The following SLC49A4 variants were observed in gnomAD, a reference collection of about 807,000 sequenced individuals.
SLC49A4 encodes solute carrier family 49 member 4.
Under a neutral mutation model 50.6 loss-of-function variants are expected in SLC49A4, and 36 were observed. The observed-to-expected ratio is 0.71, with a 90% CI of 0.55 to 0.94. SLC49A4 has a LOEUF of 0.94. Ranked by LOEUF, SLC49A4 falls within the 40% of genes least tolerant of loss-of-function variation. SLC49A4 has a pLI of 0.00. For synonymous variants in SLC49A4, 248 were observed against 241.2 expected (o/e 1.03, Z -0.26); for missense variants, 503 against 605.7 (o/e 0.83, Z 1.78).
At chr3:122,849,880 G>A (rs1464990750) in intron 5 of SLC49A4, among the ~76,000 whole-genome samples, 1 of 151,816 alleles carries the variant, frequency 6.6e-6, no homozygotes, top group Non-Finnish European at 1.5e-5. Context: ...TTTTGAGGCT[G>A]TACTCAAAAA....
At chr3:122,824,555 T>C (rs1273725012) in intron 2 of SLC49A4, among the ~76,000 whole-genome samples, 4 of 151,948 alleles carry the variant, frequency 2.6e-5, no homozygotes, top group Non-Finnish European at 5.9e-5. Context: ...ACTTTGCTTC[T>C]CTTCTCTTCT....
intron 2 of SLC49A4, among the ~76,000 whole-genome samples, chr3:122,822,083 A>G (rs1298739942): frequency 6.6e-6 from 1 of 152,180 alleles, no homozygotes; most frequent in Non-Finnish European, 1.5e-5. Flanking sequence ...GACTGCTGCC[A>G]TGATCCTGAC....
At chr3:122,878,939 A>T (rs1003264091) in intron 8 of SLC49A4, among the ~76,000 whole-genome samples, 3 of 152,228 alleles carry the variant, frequency 2.0e-5, no homozygotes, top group African/African-American at 7.2e-5. Flanking sequence ...TACTTAAAAA[A>T]TAATTATCAA....
At chr3:122,868,459 T>A (rs965593238) in intron 7 of SLC49A4, among the ~76,000 whole-genome samples, 1 of 152,210 alleles carries the variant, frequency 6.6e-6, no homozygotes, top group African/African-American at 2.4e-5. Context: ...TACTTAATGA[T>A]CATGTAGTTT....
At chr3:122,852,347 A>T (rs1281509088) in intron 5 of SLC49A4, among the ~76,000 whole-genome samples, 1 of 151,660 alleles carries the variant, frequency 6.6e-6, no homozygotes, top group African/African-American at 2.4e-5. Flanking sequence ...TTGATATCTT[A>T]TTTTTTTCTC....
intron 2 of SLC49A4, among the ~76,000 whole-genome samples, chr3:122,808,754 C>T (rs1936258698): frequency 3.3e-5 from 5 of 152,268 alleles, no homozygotes; most frequent in East Asian, 1.9e-4. Flanking sequence ...GAAACAAGTG[C>T]AATAAACCAG....
intron 2 of SLC49A4, among the ~76,000 whole-genome samples, chr3:122,820,128 T>C (rs1936430694): frequency 1.3e-5 from 2 of 152,334 alleles, no homozygotes; most frequent in South Asian, 4.1e-4. Flanking sequence ...AAATATTCTG[T>C]ACTGTGTGCC....
intron 7 of SLC49A4, among the ~76,000 whole-genome samples, chr3:122,866,621 A>G (rs1937124537): frequency 6.6e-6 from 1 of 152,174 alleles, no homozygotes; most frequent in Admixed American, 6.5e-5. Context: ...GCAGAGAACA[A>G]GTCAACTCCC....
At chr3:122,820,983 G>A (rs562646515) in intron 2 of SLC49A4, among the ~76,000 whole-genome samples, 70 of 152,350 alleles carry the variant, frequency 4.6e-4, no homozygotes, top group Admixed American at 8.5e-4. Flanking sequence ...GACCTGGTGG[G>A]AGGTAATTGA....
chr3:122,836,377 T>C (rs995852254), intron 4 of SLC49A4, among the ~76,000 whole-genome samples: 3 of 152,112 alleles, frequency 2.0e-5, no homozygotes. Context: ...CTTTTTGATG[T>C]GCTGCTGGAT....
At chr3:122,831,981 A>G (rs1420260837) in intron 3 of SLC49A4, among the ~76,000 whole-genome samples, 2 of 151,998 alleles carry the variant, frequency 1.3e-5, no homozygotes, top group Non-Finnish European at 2.9e-5. Flanking sequence ...AAAAAAAGAA[A>G]GAAAAAAAAG....
intron 7 of SLC49A4, among the ~76,000 whole-genome samples, chr3:122,864,981 G>A (rs181500409): frequency 1.2e-3 from 178 of 152,280 alleles, no homozygotes; most frequent in Middle Eastern, 0.01. Flanking sequence ...GCACTCCAAC[G>A]TGGATGACAG....
intron 5 of SLC49A4, among the ~76,000 whole-genome samples, chr3:122,852,565 A>T (rs1430613322): frequency 2.0e-5 from 3 of 152,178 alleles, no homozygotes; most frequent in African/African-American, 7.2e-5. Flanking sequence ...GAGAGAATTT[A>T]TATTTTTTCT....
intron 4 of SLC49A4, among the ~76,000 whole-genome samples, chr3:122,833,916 A>G (rs2107568408): frequency 6.6e-6 from 1 of 152,320 alleles, no homozygotes; most frequent in African/African-American, 2.4e-5. Context: ...ATCACCTGAA[A>G]TCATTTTCTG....
At chr3:122,798,335 A>G (rs1408342972) in intron 1 of SLC49A4, among the ~76,000 whole-genome samples, 1 of 152,116 alleles carries the variant, frequency 6.6e-6, no homozygotes, top group African/African-American at 2.4e-5. Flanking sequence ...TCTTATTATA[A>G]TTGTACCTAC....
chr3:122,846,403 G>T (rs1163786051), intron 5 of SLC49A4, among the ~76,000 whole-genome samples: 3 of 151,680 alleles, frequency 2.0e-5, no homozygotes, highest in Non-Finnish European at 4.4e-5. Context: ...ATATTCTATT[G>T]TATGAGTAAA....
intron 4 of SLC49A4, among the ~76,000 whole-genome samples, chr3:122,836,587 A>C (rs938709438): frequency 1.3e-5 from 2 of 152,086 alleles, no homozygotes; most frequent in African/African-American, 4.8e-5. Context: ...CTCCTCTTTG[A>C]ACCTCTGGTA....
chr3:122,875,745 C>T (rs1362786534), intron 8 of SLC49A4, among the ~76,000 whole-genome samples: 1 of 152,116 alleles, frequency 6.6e-6, no homozygotes. Flanking sequence ...GTTTTTCCCC[C>T]TACAGTGTGC....
chr3:122,802,412 A>G (rs1302333963), intron 1 of SLC49A4, among the ~76,000 whole-genome samples: 1 of 152,152 alleles, frequency 6.6e-6, no homozygotes, highest in Non-Finnish European at 1.5e-5. Flanking sequence ...CAGAGGAGGA[A>G]ACTTTACAGA....
Sources: gnomAD v4.1 joint callset for allele counts (sites outside exome capture counted in the v4.1 genomes callset) on GRCh38, gnomAD v4.1.1 for gene constraint, MANE v1.5 for transcripts, NCBI Gene and HGNC (gene_info 2026-07-23, HGNC 2026-07-21) for gene names.